Variants in PAK3 observed in about 807,000 individuals in gnomAD.
PAK3 encodes the protein p21 (RAC1) activated kinase 3, also known as serine/threonine-protein kinase PAK 3.
PAK3 carries 4 observed loss-of-function variants against 41.0 expected under a neutral mutation model. The ratio of observed to expected loss-of-function variants is 0.10; its 90% CI spans 0.05 to 0.22. PAK3 has a LOEUF of 0.22. Among genes scored for constraint, PAK3 ranks in the 10% least tolerant of loss-of-function variants. The pLI, the probability that PAK3 is intolerant of heterozygous loss-of-function variation, is 1.00. For missense variants in PAK3, 205 were observed against 409.9 expected (o/e 0.50, Z 4.32); for synonymous variants, 146 against 139.6 (o/e 1.05, Z -0.32).
chrX:110,947,357 G>T (rs999742173), intron 1 of PAK3, among the ~76,000 whole-genome samples: 1 of 111,896 alleles, frequency 8.9e-6, no homozygotes. Context: ...AATACCAGAA[G>T]GTATCAGGCA....
intron 1 of PAK3, among the ~76,000 whole-genome samples, chrX:111,065,068 C>T (rs780648662): frequency 3.6e-5 from 4 of 112,250 alleles, no homozygotes; most frequent in Non-Finnish European, 7.5e-5. Context: ...TGCCTAATTG[C>T]TCTGGCTAGG....
intron 16 of PAK3, among the ~76,000 whole-genome samples, chrX:111,210,248 C>T (rs2094804356): frequency 8.9e-6 from 1 of 112,011 alleles, no homozygotes; most frequent in Admixed American, 9.5e-5. Flanking sequence ...TCAAGAGTAC[C>T]TTTTCTGTTC....
rs3835301 is a variant in PAK3 at position 111,098,331 on chromosome X, C to CA, written c.-176+664dup. 4.7e-4 allele frequency among the ~76,000 whole-genome samples: 42 copies of CA among 89,871 alleles called. 1 individual carries two copies. Among genetic ancestry groups the CA allele is most frequent in the African/African-American group, 1.6e-3 (39 of 23,700 alleles). 78.0% of individuals were successfully genotyped at this position (89,871 alleles called of 115,157 possible). ...TTAAGGTTAAAGAAGGTGGCCAAGG[C>CA]AAAAAAAAAAAAAAAAATCAGGTGT... On this transcript the variant is annotated intron_variant, in intron 3 of 17. Transcript: ENST00000372007.
intron 1 of PAK3, among the ~76,000 whole-genome samples, chrX:110,979,442 G>C (rs1396838744): frequency 9.2e-6 from 1 of 108,537 alleles, no homozygotes; most frequent in Non-Finnish European, 1.9e-5. Context: ...GAGACTACAG[G>C]TGCCGCCACC....
chrX:111,209,053 A>G lies in PAK3; in HGVS notation c.1408-7368A>G, dbSNP rs1459975971. ...GTTCCCCATTTCCAAACAGGTAGAG[A>G]ATGATTGACCTCAAGAGGACCCATT... On this transcript the variant is annotated intron_variant, in intron 16 of 17. Transcript: ENST00000372007. Among the ~76,000 whole-genome samples the G allele has an allele frequency of 7.2e-5, 8 of 110,803 alleles. No homozygotes were observed. In the East Asian group the frequency reaches 2.3e-3, roughly 32 times the overall value.
intron 1 of PAK3, among the ~76,000 whole-genome samples, chrX:111,057,242 A>G (rs765190842): frequency 4.8e-4 from 54 of 111,891 alleles, no homozygotes; most frequent in Non-Finnish European, 9.0e-4. Context: ...GGGAAATGCA[A>G]ACTAAAACCA....
In PAK3 at chrX:111,107,059, C is replaced by A. The variant is rs752188964; in HGVS notation, c.-28+3753C>A. On this transcript the variant is annotated intron_variant, in intron 4 of 17. Coordinates refer to ENST00000372007, the MANE Select transcript of PAK3 (RefSeq NM_002578.5). Reference sequence around the variant, plus strand: ...AAGTTTATGGCTTAACTTGCTACCTCATTTCTTTCCTATAGTGAAAGGAAG... The same window carrying A: ...AAGTTTATGGCTTAACTTGCTACCTAATTTCTTTCCTATAGTGAAAGGAAG... 2.3e-4 allele frequency among the ~76,000 whole-genome samples: 26 copies of A among 112,180 alleles called. 1 individual carries two copies. The highest frequency in any genetic ancestry group is 4.5e-4 in the Non-Finnish European group (24 of 53,253).
At chrX:111,044,410 G>C (rs1204884589) in intron 1 of PAK3, among the ~76,000 whole-genome samples, 1 of 112,089 alleles carries the variant, frequency 8.9e-6, no homozygotes, top group African/African-American at 3.2e-5. Context: ...ACCTTGCTTT[G>C]TTCATTTGGT....
At chrX:111,067,487 C>A (rs2092710337) in intron 1 of PAK3, among the ~76,000 whole-genome samples, 1 of 111,456 alleles carries the variant, frequency 9.0e-6, no homozygotes, top group South Asian at 3.8e-4. Context: ...CAGTCTGACT[C>A]CAAAGCTTGT....
At chrX:111,029,061 C>T (rs1206753939) in intron 1 of PAK3, among the ~76,000 whole-genome samples, 1 of 111,478 alleles carries the variant, frequency 9.0e-6, no homozygotes, top group Non-Finnish European at 1.9e-5. Flanking sequence ...TGCTTGAGCC[C>T]AGGAGATGCA....
chrX:111,084,913 G>A lies in PAK3; in HGVS notation c.-27-38164G>A, dbSNP rs779945302. ...GAAAAACGACTACCCCTTTTTATAG[G>A]AGCTTTACAAATGACCTACTGAGTA... On this transcript the variant is annotated intron_variant, in intron 1 of 14. Transcript: ENST00000425146. Among the ~76,000 whole-genome samples the A allele has an allele frequency of 3.6e-5, 4 of 111,686 alleles. No homozygotes were observed. The South Asian group carries it at 1.5e-3, about 42-fold the overall frequency.
chrX:110,991,140 AAAG>A lies in PAK3; in HGVS notation c.-28+46515_-28+46517del, dbSNP rs1490344695. Among the ~76,000 whole-genome samples, 3 of 15,140 alleles carry A rather than the reference AAAG, an allele frequency of 2.0e-4. No individual in the cohort carries two copies. The East Asian group carries it at 0.38, about 1,892-fold the overall frequency. 13.1% of individuals were successfully genotyped at this position (15,140 alleles called of 115,157 possible). On this transcript the variant is annotated intron_variant, in intron 1 of 14. Transcript: ENST00000425146. The stretch of plus-strand genomic sequence containing the variant: ...GAGCCAGACCCTGTCTCAAAAAAAA[AAAG>A]AAAAGAAAAAGAAAACAAACCAAGG...
Position 110,968,174 on chromosome X carries a change from A to G in PAK3, c.-28+23546A>G, listed in dbSNP as rs146998928. ...ATATACTAGTAGTTCATTCCTTTTTATTGCTGCATAGCATTTCATGGTATG... is the reference window on the plus strand; with the variant it reads ...ATATACTAGTAGTTCATTCCTTTTTGTTGCTGCATAGCATTTCATGGTATG... On this transcript the variant is annotated intron_variant, in intron 1 of 14. Transcript: ENST00000425146. 2.5e-3 allele frequency among the ~76,000 whole-genome samples: 276 copies of G among 112,460 alleles called. 2 individuals carry two copies. The highest frequency in any genetic ancestry group is 4.1e-3 in the Non-Finnish European group (218 of 53,277).
chrX:110,945,957 T>TTAAGTA (rs1210450940), intron 1 of PAK3, among the ~76,000 whole-genome samples: 2 of 112,013 alleles, frequency 1.8e-5, no homozygotes, highest in Non-Finnish European at 3.8e-5. Context: ...GTTATTAATG[T>TTAAGTA]TAAGTATTGA....
intron 1 of PAK3, among the ~76,000 whole-genome samples, chrX:111,056,667 T>C (rs2092607450): frequency 8.9e-6 from 1 of 112,418 alleles, no homozygotes; most frequent in Non-Finnish European, 1.9e-5. Context: ...GTCTTGAAGA[T>C]CTTGTCATAT....
At chrX:110,998,665 A>T (rs1040028567) in intron 1 of PAK3, among the ~76,000 whole-genome samples, 1 of 112,156 alleles carries the variant, frequency 8.9e-6, no homozygotes, top group Admixed American at 9.4e-5. Context: ...AAATGAAAAG[A>T]TCCACCTCCT....
chrX:111,118,639 G>A (rs1377560848), intron 4 of PAK3, among the ~76,000 whole-genome samples: 1 of 110,683 alleles, frequency 9.0e-6, no homozygotes, highest in African/African-American at 3.3e-5. Flanking sequence ...ATTTTCTTCT[G>A]GGTTTGTTAG....
rs560033295 is a variant in PAK3, at chrX:111,098,424, T to C, written c.-176+740T>C. 2.7e-5 allele frequency: 3 copies of C among 110,662 alleles called. No individual in the cohort carries two copies. In the South Asian group the frequency reaches 1.2e-3, roughly 43 times the overall value. The allele number at this position is 110,662 out of a possible 1,213,427, so 9.1% of individuals were successfully genotyped here. On this transcript the variant is annotated intron_variant, in intron 3 of 17. Transcript: ENST00000372007. ...GAGAGAGAGAAGAAAAGTCGTGGCC[T>C]TACCAACAACCCAAAAGCCCTGAAT...
At chrX:111,080,879 A>G (rs971093548) in intron 1 of PAK3, among the ~76,000 whole-genome samples, 9 of 112,151 alleles carry the variant, frequency 8.0e-5, no homozygotes, top group African/African-American at 2.9e-4. Context: ...GTATATATAC[A>G]CTATGGAATA....
Sources: allele counts gnomAD v4.1 joint callset (sites outside exome capture counted in the v4.1 genomes callset), GRCh38; gene constraint gnomAD v4.1.1; transcripts MANE v1.5; gene names NCBI Gene and HGNC (gene_info 2026-07-23, HGNC 2026-07-21).